Variants in ADAM10 observed in about 807,000 individuals in gnomAD.
ADAM10 encodes ADAM metallopeptidase domain 10.
A neutral mutation model predicts 90.1 loss-of-function variants in ADAM10; 17 were observed. The observed-to-expected ratio is 0.19, with a 90% CI of 0.13 to 0.28. The LOEUF (loss-of-function observed/expected upper bound fraction) is 0.28. Among genes scored for constraint, ADAM10 ranks in the 10% least tolerant of loss-of-function variants. The pLI is 1.00. For synonymous variants in ADAM10, 310 were observed against 298.6 expected, an observed-to-expected ratio of 1.04 and a Z score of -0.40; for missense variants, 610 against 914.3, an observed-to-expected ratio of 0.67 and a Z score of 4.29.
At chr15:58,695,909 G>C (rs1440350405) in intron 2 of ADAM10, among the ~76,000 whole-genome samples, 1 of 152,126 alleles carries the variant, frequency 6.6e-6, no homozygotes, top group Non-Finnish European at 1.5e-5. Flanking sequence ...CGGAGGTCAG[G>C]AGTTCAAGAC....
chr15:58,735,648 A>G (rs1168360936), intron 1 of ADAM10, among the ~76,000 whole-genome samples: 2 of 151,918 alleles, frequency 1.3e-5, no homozygotes, highest in Non-Finnish European at 2.9e-5. Context: ...AAGTCTGTAC[A>G]TGTTAAGTAC....
At chr15:58,615,989 C>T (rs1396917607) in intron 11 of ADAM10, among the ~76,000 whole-genome samples, 1 of 151,888 alleles carries the variant, frequency 6.6e-6, no homozygotes, top group Non-Finnish European at 1.5e-5. Flanking sequence ...GCCTGGGTGA[C>T]AGAGCAAGAC....
rs769876737 is a variant in ADAM10, at chr15:58,682,231, T to G, written c.290A>C (p.Tyr97Ser). Reference sequence around the variant, plus strand: ...TCCAGTGTAAATATGAGAGGTATCATAATCAAGTACTTTATTTGATGTTTC... The same window carrying G: ...TCCAGTGTAAATATGAGAGGTATCAGAATCAAGTACTTTATTTGATGTTTC... The part of the protein sequence containing the change: ...KVETSNKVLD[Y>S]DTSHIYTGHI... The change falls in exon 3 of 16, where the codon TAT (tyrosine) becomes TCT (serine). Residue 97 changes from tyrosine to serine, a missense_variant. Coordinates refer to ENST00000260408, the MANE Select transcript of ADAM10 (RefSeq NM_001110.4). The G allele has an allele frequency of 6.2e-7, 1 of 1,613,082 alleles. No homozygotes were observed. The highest frequency in any genetic ancestry group is 8.5e-7 in the Non-Finnish European group (1 of 1,179,500).
rs6494034 is a variant in ADAM10, at chr15:58,717,912, C to G, written c.56-185G>C. The stretch of plus-strand genomic sequence containing the variant: ...AACTTATTGTGAGGGTAATTCCAAC[C>G]GCACACACAAGTTTGGATGTTAGCC... On this transcript the variant is annotated intron_variant, in intron 1 of 15. Transcript: ENST00000260408. Among the ~76,000 whole-genome samples the G allele has an allele frequency of 0.19, 29,312 of 151,972 alleles. 3,254 individuals carry two copies. Among genetic ancestry groups the G allele is most frequent in the South Asian group, 0.32 (1,562 of 4,810 alleles).
intron 5 of ADAM10, among the ~76,000 whole-genome samples, chr15:58,654,004 T>C (rs1226423000): frequency 1.3e-5 from 2 of 152,198 alleles, no homozygotes; most frequent in African/African-American, 2.4e-5. Context: ...ATATAGTTGC[T>C]CAAAGTACCC....
intron 11 of ADAM10, among the ~76,000 whole-genome samples, chr15:58,619,479 A>G (rs1895715566): frequency 1.3e-5 from 2 of 152,240 alleles, no homozygotes; most frequent in South Asian, 4.1e-4. Flanking sequence ...AATGTTCCCA[A>G]GACAAAGAAA....
intron 1 of ADAM10, among the ~76,000 whole-genome samples, chr15:58,739,150 A>T (rs1383973109): frequency 6.6e-6 from 1 of 152,180 alleles, no homozygotes; most frequent in Admixed American, 6.5e-5. Flanking sequence ...GGAGTTACTA[A>T]GAGATTTCTG....
intron 15 of ADAM10, among the ~76,000 whole-genome samples, chr15:58,598,664 C>A (rs1895024304): frequency 6.6e-6 from 1 of 152,184 alleles, no homozygotes; most frequent in Non-Finnish European, 1.5e-5. Context: ...CCTGCTGCTG[C>A]CCTGAGACAA....
intron 5 of ADAM10, chr15:58,655,277 C>G (rs12915950): frequency 0.28 from 42,208 of 153,094 alleles, 8,081 homozygotes; most frequent in African/African-American, 0.53. Context: ...ATTGGCTCAT[C>G]GTTCTGCAGG....
At chr15:58,748,769 G>A (rs1228641071) in intron 1 of ADAM10, 3 of 396,544 alleles carry the variant, frequency 7.6e-6, no homozygotes, top group African/African-American at 2.1e-5. Flanking sequence ...CTGGGCGACA[G>A]AATGTTTTCA....
chr15:58,685,545 A>ATATAT (rs1367355743), intron 2 of ADAM10, among the ~76,000 whole-genome samples: 1 of 116,218 alleles, frequency 8.6e-6, no homozygotes, highest in Non-Finnish European at 1.9e-5. Flanking sequence ...TATGAAGGAG[A>ATATAT]ATATATATAT....
intron 6 of ADAM10, among the ~76,000 whole-genome samples, chr15:58,644,918 T>C (rs1411837106): frequency 6.6e-6 from 1 of 152,180 alleles, no homozygotes; most frequent in African/African-American, 2.4e-5. Flanking sequence ...TTTTGCTAAA[T>C]TCTACAAGGA....
chr15:58,626,768 A>T (rs1412858992), intron 10 of ADAM10, among the ~76,000 whole-genome samples: 1 of 152,202 alleles, frequency 6.6e-6, no homozygotes, highest in Non-Finnish European at 1.5e-5. Context: ...CAATTCATAA[A>T]GACAGAAAGT....
In ADAM10 at chr15:58,590,974, A is replaced by G. The variant is rs998364736; in HGVS notation, c.*6573T>C. On this transcript the variant is annotated 3_prime_UTR_variant, in exon 16 of 16. Coordinates refer to ENST00000260408, the MANE Select transcript of ADAM10 (RefSeq NM_001110.4). ...TCTATTTCCACCTCCAGGGAACATG[A>G]TCATTTAAACAAGAGAGGGCAGAAG... 5 of 152,224 alleles carry G rather than the reference A, an allele frequency of 3.3e-5. No individual in the cohort carries two copies. Among genetic ancestry groups the G allele is most frequent in the Admixed American group, 1.3e-4 (2 of 15,286 alleles). The allele number at this position is 152,224 out of a possible 1,614,324, so 9.4% of individuals were successfully genotyped here. A position where few individuals can be genotyped will look rare whatever the true frequency, so the allele number is the denominator to read the frequency against.
At chr15:58,700,884 A>G (rs1429785616) in intron 2 of ADAM10, among the ~76,000 whole-genome samples, 1 of 151,880 alleles carries the variant, frequency 6.6e-6, no homozygotes, top group Non-Finnish European at 1.5e-5. Flanking sequence ...AGAGCCCTGT[A>G]GTTCTAGTTA....
intron 11 of ADAM10, among the ~76,000 whole-genome samples, chr15:58,614,100 C>T (rs1380499864): frequency 1.3e-5 from 2 of 151,958 alleles, no homozygotes; most frequent in Non-Finnish European, 2.9e-5. Flanking sequence ...TTGTCAGGAG[C>T]TTGAAACCCC....
intron 1 of ADAM10, among the ~76,000 whole-genome samples, chr15:58,745,515 G>C (rs1186139480): frequency 6.6e-6 from 1 of 151,926 alleles, no homozygotes; most frequent in Non-Finnish European, 1.5e-5. Flanking sequence ...TTATGAAAAC[G>C]GGTTTTTTTA....
chr15:58,618,640 C>A (rs1480379855), intron 11 of ADAM10, among the ~76,000 whole-genome samples: 1 of 152,020 alleles, frequency 6.6e-6, no homozygotes, highest in Non-Finnish European at 1.5e-5. Context: ...ATAGAATGTA[C>A]AAGGAACTCA....
chr15:58,590,522 A>G lies in ADAM10; in HGVS notation c.*7025T>C, dbSNP rs1472400601. ...CAAAGAATTTCAAACATGCTCTGAT[A>G]TGTTTCAAGGAGGAGGAAAGGAGGA... On this transcript the variant is annotated 3_prime_UTR_variant, in exon 16 of 16. Coordinates refer to ENST00000260408, the MANE Select transcript of ADAM10 (RefSeq NM_001110.4). 1 of 152,230 alleles carries G rather than the reference A, an allele frequency of 6.6e-6. No individual in the cohort carries two copies. Among genetic ancestry groups the G allele is most frequent in the Non-Finnish European group, 1.5e-5 (1 of 68,050 alleles). The allele number at this position is 152,230 out of a possible 1,614,324, so 9.4% of individuals were successfully genotyped here.
Sources: gnomAD v4.1 joint callset for allele counts (sites outside exome capture counted in the v4.1 genomes callset) on GRCh38, gnomAD v4.1.1 for gene constraint, MANE v1.5 for transcripts, NCBI Gene and HGNC (gene_info 2026-07-23, HGNC 2026-07-21) for gene names.